The following RGS5 variants were observed in gnomAD, a reference collection of about 807,000 sequenced individuals.
RGS5 encodes the protein regulator of G-protein signalling 5.
Under a neutral mutation model 18.9 loss-of-function variants are expected in RGS5, and 20 were observed. The observed-to-expected ratio is 1.06, with a 90% CI of 0.74 to 1.54. The LOEUF (loss-of-function observed/expected upper bound fraction) is 1.54, where lower values mean the gene tolerates loss of function less well. Among genes scored for constraint, RGS5 ranks in the 40% most tolerant of loss-of-function variants. The probability of loss-of-function intolerance (pLI) is 0.00; values close to 1 mark genes in which losing one functional copy is unlikely to be tolerated. For missense variants in RGS5, 201 were observed against 211.8 expected (o/e 0.95, Z 0.32); for synonymous variants, 57 against 76.2 (o/e 0.75, Z 1.31).
chr1:163,205,271 A>G (rs1051743237), upstream of RGS5, among the ~76,000 whole-genome samples: 1 of 149,170 alleles, frequency 6.7e-6, no homozygotes, highest in Non-Finnish European at 1.5e-5. Context: ...TTGTGCCCAT[A>G]GTTAGCTATA....
intron 1 of RGS5, among the ~76,000 whole-genome samples, chr1:163,190,818 G>A (rs1488594281): frequency 6.6e-6 from 1 of 152,230 alleles, no homozygotes; most frequent in Non-Finnish European, 1.5e-5. Flanking sequence ...CTCATGGGCA[G>A]TGGCCAATTG....
At chr1:163,282,298 A>G (rs1330153879) in intron 2 of RGS5, among the ~76,000 whole-genome samples, 1 of 152,238 alleles carries the variant, frequency 6.6e-6, no homozygotes, top group African/African-American at 2.4e-5. Flanking sequence ...CATTTCTCAA[A>G]GGAAGACATA....
intron 2 of RGS5, among the ~76,000 whole-genome samples, chr1:163,273,929 T>C (rs1263528585): frequency 6.6e-6 from 1 of 152,204 alleles, no homozygotes; most frequent in Non-Finnish European, 1.5e-5. Context: ...TTTCTTGTTT[T>C]TATAGTTAAG....
chr1:163,294,429 G>A (rs2101727814), intron 2 of RGS5, among the ~76,000 whole-genome samples: 2 of 152,364 alleles, frequency 1.3e-5, no homozygotes, highest in South Asian at 4.1e-4. Context: ...GACCATTTTA[G>A]TCATGACTGG....
intron 2 of RGS5, among the ~76,000 whole-genome samples, chr1:163,254,524 T>A (rs1648216392): frequency 6.6e-6 from 1 of 151,912 alleles, no homozygotes; most frequent in Non-Finnish European, 1.5e-5. Flanking sequence ...TTTGTTGGAG[T>A]TCATTGTAGA....
chr1:163,213,724 T>G (rs919852977), intron 1 of RGS5, among the ~76,000 whole-genome samples: 2 of 152,174 alleles, frequency 1.3e-5, no homozygotes, highest in African/African-American at 2.4e-5. Context: ...CTCCAAGAAC[T>G]TCAACTGCAG....
At chr1:163,222,900 C>G (rs1647258183) in intron 2 of RGS5, among the ~76,000 whole-genome samples, 1 of 152,096 alleles carries the variant, frequency 6.6e-6, no homozygotes, top group Non-Finnish European at 1.5e-5. Context: ...CACTCTGTCA[C>G]CCAGGCTGGA....
chr1:163,199,614 T>C (rs1659699547), intron 1 of RGS5, among the ~76,000 whole-genome samples: 1 of 152,062 alleles, frequency 6.6e-6, no homozygotes, highest in Non-Finnish European at 1.5e-5. Flanking sequence ...TAATAAAGAG[T>C]TGCTGTCAAA....
At chr1:163,225,128 C>T (rs1389636312) in intron 2 of RGS5, among the ~76,000 whole-genome samples, 1 of 152,098 alleles carries the variant, frequency 6.6e-6, no homozygotes, top group Non-Finnish European at 1.5e-5. Context: ...AGTGTTTCCC[C>T]TGTGTTTTTT....
At chr1:163,184,726 TA>T (rs1031146850) in intron 1 of RGS5, among the ~76,000 whole-genome samples, 3 of 152,232 alleles carry the variant, frequency 2.0e-5, no homozygotes, top group Non-Finnish European at 4.4e-5. Context: ...TAAAAAATGC[TA>T]TACTGCTGGC....
chr1:163,318,189 C>A (rs536754288), intron 1 of RGS5, among the ~76,000 whole-genome samples: 1 of 151,946 alleles, frequency 6.6e-6, no homozygotes, highest in Non-Finnish European at 1.5e-5. Flanking sequence ...CTCATGAATG[C>A]GAAGTGGGTA....
At chr1:163,213,203 T>C (rs55921055) in intron 1 of RGS5, among the ~76,000 whole-genome samples, 18,014 of 152,208 alleles carry the variant, frequency 0.12, 1,423 homozygotes, top group South Asian at 0.19. Flanking sequence ...TGGCAGATGC[T>C]ATTAGTTGCT....
chr1:163,298,680 T>A (rs1649482835), intron 2 of RGS5, among the ~76,000 whole-genome samples: 1 of 152,138 alleles, frequency 6.6e-6, no homozygotes, highest in East Asian at 1.9e-4. Context: ...GTGTCTCCTG[T>A]GAGTTAATCT....
At chr1:163,259,667 C>T (rs548228863) in intron 2 of RGS5, among the ~76,000 whole-genome samples, 5 of 152,096 alleles carry the variant, frequency 3.3e-5, no homozygotes, top group East Asian at 1.9e-4. Context: ...AATTTCTGGG[C>T]GCTACAGAAG....
chr1:163,216,417 G>A (rs1378891581), intron 1 of RGS5, among the ~76,000 whole-genome samples: 1 of 152,082 alleles, frequency 6.6e-6, no homozygotes, highest in Non-Finnish European at 1.5e-5. Flanking sequence ...AACCAGATGG[G>A]CTCCAGCCTT....
rs57885985 is a variant in RGS5 at position 163,153,490 on chromosome 1, G to A, written c.218-774C>T. ...GCCAGATGAAGTTACCCCATGTAGC[G>A]TACTTACCATGTCCATCAATTATAC... On this transcript the variant is annotated intron_variant, in intron 3 of 4. Coordinates refer to ENST00000313961, the MANE Select transcript of RGS5 (RefSeq NM_003617.4). Among the ~76,000 whole-genome samples the A allele has an allele frequency of 7.7e-3, 1,164 of 152,102 alleles. 17 individuals carry two copies. Among genetic ancestry groups the A allele is most frequent in the African/African-American group, 0.026 (1,092 of 41,518 alleles).
intron 2 of RGS5, among the ~76,000 whole-genome samples, chr1:163,244,144 G>C (rs1571315015): frequency 6.6e-6 from 1 of 152,150 alleles, no homozygotes; most frequent in Admixed American, 6.5e-5. Flanking sequence ...TCAAGTCAAT[G>C]AGTAATTTGG....
At chr1:163,277,075 C>T (rs796979665) in intron 2 of RGS5, among the ~76,000 whole-genome samples, 1 of 152,184 alleles carries the variant, frequency 6.6e-6, no homozygotes, top group Non-Finnish European at 1.5e-5. Flanking sequence ...CAGGAGGCTT[C>T]ATCTGCATGA....
chr1:163,191,984 G>A (rs1250895279), intron 1 of RGS5, among the ~76,000 whole-genome samples: 1 of 152,090 alleles, frequency 6.6e-6, no homozygotes, highest in Non-Finnish European at 1.5e-5. Flanking sequence ...ATGCATCAAG[G>A]GGCTAGGAGG....
Sources: gnomAD v4.1 joint callset for allele counts (sites outside exome capture counted in the v4.1 genomes callset) on GRCh38, gnomAD v4.1.1 for gene constraint, MANE v1.5 for transcripts, NCBI Gene and HGNC (gene_info 2026-07-23, HGNC 2026-07-21) for gene names.